The following ALK variants were observed in gnomAD, a reference collection of about 807,000 sequenced individuals.
ALK encodes ALK tyrosine kinase receptor.
A neutral mutation model predicts 163.1 loss-of-function variants in ALK; 74 were observed. The ratio of observed to expected loss-of-function variants is 0.45; its 90% CI spans 0.38 to 0.55. The LOEUF is 0.55. Among genes scored for constraint, ALK ranks in the 20% least tolerant of loss-of-function variants. ALK has a pLI of 0.00. For missense variants in ALK, 2,063 were observed against 2,105.3 expected, an observed-to-expected ratio of 0.98 and a Z score of 0.39; for synonymous variants, 960 against 843.2, an observed-to-expected ratio of 1.14 and a Z score of -2.40.
At chr2:29,566,367 T>C (rs546410020) in intron 3 of ALK, among the ~76,000 whole-genome samples, 2 of 152,188 alleles carry the variant, frequency 1.3e-5, no homozygotes, top group African/African-American at 4.8e-5. Context: ...GCAACATCAA[T>C]TTGCTGCACC....
intron 3 of ALK, among the ~76,000 whole-genome samples, chr2:29,538,172 T>C (rs144947596): frequency 1.2e-4 from 19 of 152,048 alleles, no homozygotes; most frequent in African/African-American, 4.6e-4. Flanking sequence ...TATTTTGAAA[T>C]GTAAGGACAT....
At chr2:29,637,706 C>A (rs1176181440) in intron 3 of ALK, among the ~76,000 whole-genome samples, 1 of 12,476 alleles carries the variant, frequency 8.0e-5, no homozygotes, top group Non-Finnish European at 1.5e-4. Flanking sequence ...AAGACTCCGT[C>A]TCCAAAAAAA....
chr2:29,208,159 G>T, intron 25 of ALK: 2 of 413,754 alleles, frequency 4.8e-6, no homozygotes, highest in Non-Finnish European at 1.0e-5. Context: ...ATGCAGGTAT[G>T]TGCAAGGCTC....
At position 29,920,217 on chromosome 2, in the gene ALK, T is replaced by A. The variant is rs1331266292; in HGVS notation, c.443A>T (p.Glu148Val). Residue 148 changes from glutamate to valine, a missense_variant, in exon 1 of 29, where the codon GAG becomes GTG. Around this residue, in one of 5 missense-constraint regions of ALK, gnomAD observed 987 missense variants for 939.5 expected, o/e 1.05. Coordinates refer to ENST00000389048, the MANE Select transcript of ALK (RefSeq NM_004304.5). ...CCCGACGCAACCCTCCAAGATCGCC[T>A]CCTCGCCCAGCTCCAGCACCAACTG... is the stretch of plus-strand genomic sequence containing the variant. ...AKQLVLELGEEAILEGCVGPP... is the reference protein window; with the variant it reads ...AKQLVLELGEVAILEGCVGPP... The A allele has an allele frequency of 6.2e-7, 1 of 1,612,628 alleles. No individual in the cohort carries two copies. Among genetic ancestry groups the A allele is most frequent in the Admixed American group, 1.7e-5 (1 of 59,940 alleles).
chr2:29,299,883 C>G (rs1388197240), intron 8 of ALK, among the ~76,000 whole-genome samples: 1 of 152,138 alleles, frequency 6.6e-6, no homozygotes, highest in Non-Finnish European at 1.5e-5. Flanking sequence ...CATCTCAAGT[C>G]AAGAGAGAAT....
chr2:29,889,034 T>C (rs183306770), intron 1 of ALK, among the ~76,000 whole-genome samples: 1 of 152,286 alleles, frequency 6.6e-6, no homozygotes, highest in Admixed American at 6.5e-5. Context: ...CATCTCTGTC[T>C]CCAAACACAG....
intron 4 of ALK, among the ~76,000 whole-genome samples, chr2:29,464,602 T>C (rs1374094250): frequency 6.6e-6 from 1 of 152,086 alleles, no homozygotes; most frequent in Non-Finnish European, 1.5e-5. Flanking sequence ...ATAAAAAATA[T>C]ACCGGATGGG....
At chr2:29,914,591 C>A (rs901321934) in intron 1 of ALK, among the ~76,000 whole-genome samples, 14 of 152,204 alleles carry the variant, frequency 9.2e-5, no homozygotes, top group African/African-American at 2.7e-4. Flanking sequence ...CTAATTTAAT[C>A]CTCATGACAA....
At chr2:29,476,345 C>G (rs1671520421) in intron 4 of ALK, among the ~76,000 whole-genome samples, 1 of 152,130 alleles carries the variant, frequency 6.6e-6, no homozygotes, top group Non-Finnish European at 1.5e-5. Flanking sequence ...ACAGTAGGGA[C>G]ATAAAATTAC....
At position 29,662,922 on chromosome 2, in the gene ALK, G is replaced by A. The variant is rs779135730; in HGVS notation, c.952+31928C>T. ...TAAGTACCATATCTTTTACTGCTAT[G>A]TATTGCTCTCCAGGCCTAGAAGAAT... On this transcript the variant is annotated intron_variant, in intron 3 of 28. Coordinates refer to ENST00000389048, the MANE Select transcript of ALK (RefSeq NM_004304.5). Among the ~76,000 whole-genome samples, 3 of 152,094 alleles carry A rather than the reference G, an allele frequency of 2.0e-5. No homozygotes were observed. The East Asian group carries it at 5.8e-4, about 29-fold the overall frequency.
intron 1 of ALK, among the ~76,000 whole-genome samples, chr2:29,789,252 G>A (rs1200147209): frequency 6.6e-6 from 1 of 152,178 alleles, no homozygotes; most frequent in Non-Finnish European, 1.5e-5. Context: ...CAAATGCTGA[G>A]AATCTCCAGT....
At chr2:29,309,959 A>C (rs1240541474) in intron 8 of ALK, among the ~76,000 whole-genome samples, 1 of 152,222 alleles carries the variant, frequency 6.6e-6, no homozygotes, top group Non-Finnish European at 1.5e-5. Context: ...GATCATAATA[A>C]TAATAATTGC....
intron 4 of ALK, among the ~76,000 whole-genome samples, chr2:29,385,476 C>T (rs1224744956): frequency 1.1e-4 from 16 of 150,680 alleles, no homozygotes; most frequent in Admixed American, 1.1e-3. Context: ...GCAGGCTTAA[C>T]CTCCCCAGGT....
intron 22 of ALK, chr2:29,221,229 CAAG>C: frequency 1.9e-6 from 1 of 535,140 alleles, no homozygotes; most frequent in Non-Finnish European, 3.7e-6. Flanking sequence ...CAACTGCTTC[CAAG>C]AGAGACTGGG....
chr2:29,768,741 GTGTA>G (rs1283012410), intron 1 of ALK, among the ~76,000 whole-genome samples: 1 of 122,156 alleles, frequency 8.2e-6, no homozygotes, highest in Non-Finnish European at 1.7e-5. Context: ...GTGTGTGTGT[GTGTA>G]TATATGTATA....
chr2:29,789,303 C>T (rs1664128516), intron 1 of ALK, among the ~76,000 whole-genome samples: 1 of 152,144 alleles, frequency 6.6e-6, no homozygotes, highest in Non-Finnish European at 1.5e-5. Context: ...TAAATATCAT[C>T]ACACCTCCTT....
chr2:29,207,086 C>T (rs2148151685), intron 26 of ALK, 85 bp downstream of exon 26: 1 of 1,039,854 alleles, frequency 9.6e-7, no homozygotes, highest in Admixed American at 1.7e-5. Context: ...AACACACGGG[C>T]TCCCGGCTTA....
In ALK at chr2:29,782,056, T is replaced by G. The variant is rs190491666; in HGVS notation, c.668-64359A>C. On this transcript the variant is annotated intron_variant, in intron 1 of 28. Coordinates refer to ENST00000389048, the MANE Select transcript of ALK (RefSeq NM_004304.5). Reference sequence around the variant, plus strand: ...TGCTTTTTATTCCATAGATTTCCCCTTATCTGCTTACCCTATCTCTTCCTC... The same window carrying G: ...TGCTTTTTATTCCATAGATTTCCCCGTATCTGCTTACCCTATCTCTTCCTC... Among the ~76,000 whole-genome samples, 170 of 152,334 alleles carry G rather than the reference T, an allele frequency of 1.1e-3. 1 individual carries two copies. Among genetic ancestry groups the G allele is most frequent in the African/African-American group, 3.1e-3 (130 of 41,572 alleles).
At chr2:29,596,961 C>A (rs933080438) in intron 3 of ALK, among the ~76,000 whole-genome samples, 2 of 152,324 alleles carry the variant, frequency 1.3e-5, no homozygotes, top group Non-Finnish European at 1.5e-5. Context: ...TTGCCTGATA[C>A]TGAATTCCTC....
Sources: gnomAD v4.1 joint callset for allele counts (sites outside exome capture counted in the v4.1 genomes callset) on GRCh38, gnomAD v4.1.1 for gene constraint, gnomAD v4.1.1 regional missense constraint, MANE v1.5 for transcripts, NCBI Gene and HGNC (gene_info 2026-07-23, HGNC 2026-07-21) for gene names.